The following CASP10 variants were observed in gnomAD, a reference collection of about 807,000 sequenced individuals.
The protein encoded by CASP10 is caspase 10, also known as caspase-10.
A neutral mutation model predicts 48.5 loss-of-function variants in CASP10; 41 were observed. That is an observed-to-expected ratio of 0.85 (90% CI 0.66 to 1.10). The LOEUF is 1.10. Ranked by LOEUF, CASP10 falls within the 50% of genes least tolerant of loss-of-function variation. The pLI is 0.00. For missense variants in CASP10, 614 were observed against 614.5 expected (o/e 1.00, Z 0.01); for synonymous variants, 232 against 238.4 (o/e 0.97, Z 0.25).
In CASP10 at chr2:201,219,705, CTT is replaced by C. The variant is rs111572089; in HGVS notation, c.*1981_*1982del. On this transcript the variant is annotated 3_prime_UTR_variant, in exon 10 of 10. Coordinates refer to ENST00000286186, the MANE Select transcript of CASP10 (RefSeq NM_032977.4). The stretch of plus-strand genomic sequence containing the variant: ...TTTTGAGCATTTTTACGTACTTGAG[CTT>C]TTTTTTTTTTTTTTTTCAATTTCTA... 15,603 of 815,594 alleles carry C rather than the reference CTT, an allele frequency of 0.019. No homozygotes were observed. Among genetic ancestry groups the C allele is most frequent in the South Asian group, 0.021 (379 of 17,752 alleles). 50.5% of individuals were successfully genotyped at this position (815,594 alleles called of 1,614,324 possible).
At chr2:201,194,613 T>C (rs1944724617) in intron 4 of CASP10, among the ~76,000 whole-genome samples, 2 of 152,210 alleles carry the variant, frequency 1.3e-5, no homozygotes, top group African/African-American at 4.8e-5. Context: ...CTCTGAGTTT[T>C]TTTCTAAACA....
At chr2:201,210,231 C>T (rs905335209) in intron 9 of CASP10, among the ~76,000 whole-genome samples, 2 of 152,214 alleles carry the variant, frequency 1.3e-5, no homozygotes, top group Non-Finnish European at 1.5e-5. Context: ...CACATGCTGT[C>T]CTCTTGGCAC....
intron 5 of CASP10, among the ~76,000 whole-genome samples, chr2:201,197,574 C>A (rs1274534801): frequency 6.6e-6 from 1 of 152,226 alleles, no homozygotes; most frequent in East Asian, 1.9e-4. Flanking sequence ...GAGATTGCAT[C>A]ACTGCACTCC....
rs984738742 is a variant in CASP10, at chr2:201,217,991, G to A, written c.*250G>A. 1.9e-6 allele frequency: 2 copies of A among 1,047,776 alleles called. No individual in the cohort carries two copies. Among genetic ancestry groups the A allele is most frequent in the Admixed American group, 3.3e-5 (1 of 29,872 alleles). The allele number at this position is 1,047,776 out of a possible 1,614,324, so 64.9% of individuals were successfully genotyped here. A position where few individuals can be genotyped will look rare whatever the true frequency, so the allele number is the denominator to read the frequency against. On this transcript the variant is annotated 3_prime_UTR_variant, in exon 10 of 10. Coordinates refer to ENST00000286186, the MANE Select transcript of CASP10 (RefSeq NM_032977.4). ...TGCAGGGGGGCAATCACGGCTCACT[G>A]TAGTCTCGACCTCCCAGGCTCAAGC...
At chr2:201,221,768 T>A (rs1945726074), downstream of CASP10, 8 of 152,346 alleles carry the variant, frequency 5.3e-5, no homozygotes, top group South Asian at 1.7e-3. Context: ...TATTTCATAT[T>A]TCTGTTTTGC....
chr2:201,223,164 C>T (rs562457126), downstream of CASP10, among the ~76,000 whole-genome samples: 1 of 152,332 alleles, frequency 6.6e-6, no homozygotes, highest in South Asian at 2.1e-4. Flanking sequence ...GGCCTGCCTA[C>T]AGAAAGGGAT....
intron 7 of CASP10, among the ~76,000 whole-genome samples, chr2:201,207,405 G>T (rs41531244): frequency 0.01 from 1,587 of 152,068 alleles, 35 homozygotes; most frequent in African/African-American, 0.037. Flanking sequence ...CGAATCACTT[G>T]AGGTCAGGAG....
At chr2:201,198,196 G>A (rs576302092) in intron 5 of CASP10, among the ~76,000 whole-genome samples, 34 of 151,428 alleles carry the variant, frequency 2.2e-4, no homozygotes, top group Middle Eastern at 6.8e-3. Flanking sequence ...TTTCTAATTC[G>A]GTTGTTTGTA....
chr2:201,222,008 G>T (rs1201192963), downstream of CASP10, among the ~76,000 whole-genome samples: 1 of 152,164 alleles, frequency 6.6e-6, no homozygotes, highest in Non-Finnish European at 1.5e-5. Flanking sequence ...GTCTGTATTT[G>T]TGTGTGCATG....
At chr2:201,207,064 T>C (rs1945230686) in intron 7 of CASP10, among the ~76,000 whole-genome samples, 1 of 152,178 alleles carries the variant, frequency 6.6e-6, no homozygotes, top group Non-Finnish European at 1.5e-5. Flanking sequence ...AATTCCACAC[T>C]AGGGCCAGGA....
chr2:201,220,305 G>C lies in CASP10; in HGVS notation c.*2564G>C. The C allele has an allele frequency of 2.1e-5, 4 of 190,754 alleles. No homozygotes were observed. The highest frequency in any genetic ancestry group is 3.6e-5 in the Non-Finnish European group (4 of 109,944). 11.8% of individuals were successfully genotyped at this position (190,754 alleles called of 1,614,324 possible). ...AGAGAAGAGAGTAAAATACAGATAAGACAGCTCTGGCATAGAGGGAGGTGG... is the reference window on the plus strand; with the variant it reads ...AGAGAAGAGAGTAAAATACAGATAACACAGCTCTGGCATAGAGGGAGGTGG... On this transcript the variant is annotated 3_prime_UTR_variant, in exon 10 of 10. Transcript: ENST00000286186.
chr2:201,208,001 T>A, intron 7 of CASP10, 74 bp from the exon 8 acceptor site: 1 of 962,204 alleles, frequency 1.0e-6, no homozygotes, highest in South Asian at 1.3e-5. Context: ...GTGGATCCAT[T>A]GGAGTGGTTG....
chr2:201,218,539 C>T lies in CASP10; in HGVS notation c.*798C>T, dbSNP rs1282187505. ...CTGGTCTCAAACTCCTGGGCTCAAG[C>T]GATCCTCCCACCTCAGCTTCTCAAA... On this transcript the variant is annotated 3_prime_UTR_variant, in exon 10 of 10. Transcript: ENST00000286186. The T allele has an allele frequency of 2.6e-5, 24 of 917,858 alleles. No homozygotes were observed. Among genetic ancestry groups the T allele is most frequent in the East Asian group, 1.2e-4 (1 of 8,458 alleles). 56.9% of individuals were successfully genotyped at this position (917,858 alleles called of 1,614,324 possible). A position where few individuals can be genotyped will look rare whatever the true frequency, so the allele number is the denominator to read the frequency against.
At chr2:201,211,449 A>G (rs1469387203) in intron 9 of CASP10, among the ~76,000 whole-genome samples, 3 of 152,142 alleles carry the variant, frequency 2.0e-5, no homozygotes, top group East Asian at 1.9e-4. Flanking sequence ...TATGACATCA[A>G]CTTTTTAAAC....
intron 9 of CASP10, chr2:201,214,125 A>T (rs572115802): frequency 5.9e-5 from 9 of 152,128 alleles, no homozygotes; most frequent in Non-Finnish European, 1.0e-4. Flanking sequence ...ATTAAATGTT[A>T]TTATTATCAT....
intron 5 of CASP10, among the ~76,000 whole-genome samples, chr2:201,196,851 C>T (rs1944812275): frequency 6.6e-6 from 1 of 152,088 alleles, no homozygotes; most frequent in Non-Finnish European, 1.5e-5. Flanking sequence ...TCCTTCCCTC[C>T]AACCCCTGGA....
chr2:201,200,797 C>T, intron 5 of CASP10: 2 of 1,052,180 alleles, frequency 1.9e-6, no homozygotes, highest in Non-Finnish European at 2.3e-6. Context: ...CACAGAATTG[C>T]AATTATTTAT....
intron 5 of CASP10, among the ~76,000 whole-genome samples, chr2:201,202,882 T>C (rs983459588): frequency 6.6e-6 from 1 of 152,184 alleles, no homozygotes; most frequent in Non-Finnish European, 1.5e-5. Flanking sequence ...ATATAAAACA[T>C]TAATGTATGC....
At position 201,221,211 on chromosome 2, in the gene CASP10, T is replaced by C. The variant is rs1056531666; in HGVS notation, c.*3470T>C. 7.1e-6 allele frequency: 7 copies of C among 985,314 alleles called. No homozygotes were observed. In the East Asian group the frequency reaches 5.7e-4, roughly 80 times the overall value. 61.0% of individuals were successfully genotyped at this position (985,314 alleles called of 1,614,324 possible). On this transcript the variant is annotated 3_prime_UTR_variant, in exon 10 of 10. Coordinates refer to ENST00000286186, the MANE Select transcript of CASP10 (RefSeq NM_032977.4). Reference sequence around the variant, plus strand: ...CTGACATACTCTGAGTAAGATCTAATTCTTCCCTCACTGGTTCGTGATGTC... The same window carrying C: ...CTGACATACTCTGAGTAAGATCTAACTCTTCCCTCACTGGTTCGTGATGTC...
Sources: allele counts gnomAD v4.1 joint callset (sites outside exome capture counted in the v4.1 genomes callset), GRCh38; gene constraint gnomAD v4.1.1; transcripts MANE v1.5; gene names NCBI Gene and HGNC (gene_info 2026-07-23, HGNC 2026-07-21).